The following EFCAB6 variants were observed in gnomAD, a reference collection of about 807,000 sequenced individuals.
EFCAB6 encodes the protein EF-hand calcium-binding domain-containing protein 6.
A neutral mutation model predicts 169.8 loss-of-function variants in EFCAB6; 156 were observed. The ratio of observed to expected loss-of-function variants is 0.92; its 90% confidence interval spans 0.81 to 1.05. EFCAB6 has a LOEUF of 1.05. Ranked by LOEUF, EFCAB6 falls within the 50% of genes least tolerant of loss-of-function variation. The pLI is 0.00. For synonymous variants in EFCAB6, 698 were observed against 676.4 expected, an observed-to-expected ratio of 1.03 and a Z score of -0.50; for missense variants, 1,800 against 1,829.1, an observed-to-expected ratio of 0.98 and a Z score of 0.29.
intron 26 of EFCAB6, among the ~76,000 whole-genome samples, chr22:43,570,478 C>T (rs1208499874): frequency 1.3e-5 from 2 of 152,178 alleles, no homozygotes; most frequent in Non-Finnish European, 2.9e-5. Flanking sequence ...ACACTTTGCA[C>T]ATGGCACTTT....
chr22:43,770,636 A>C (rs536441397), intron 4 of EFCAB6, among the ~76,000 whole-genome samples: 1 of 152,334 alleles, frequency 6.6e-6, no homozygotes, highest in African/African-American at 2.4e-5. Flanking sequence ...CAGCAGAATG[A>C]AGATGATAAG....
At chr22:43,593,043 G>C (rs1024210574) in intron 23 of EFCAB6, among the ~76,000 whole-genome samples, 5 of 150,880 alleles carry the variant, frequency 3.3e-5, no homozygotes, top group Non-Finnish European at 7.4e-5. Context: ...AATCTGATCA[G>C]AGTGTCAGTA....
chr22:43,670,843 C>A (rs2057457820), intron 15 of EFCAB6, among the ~76,000 whole-genome samples: 2 of 152,288 alleles, frequency 1.3e-5, no homozygotes, highest in Non-Finnish European at 2.9e-5. Flanking sequence ...GAAAGCAGGT[C>A]AACATAGCTG....
chr22:43,713,297 G>A (rs1047274218), intron 9 of EFCAB6, among the ~76,000 whole-genome samples: 5 of 152,014 alleles, frequency 3.3e-5, no homozygotes, highest in African/African-American at 9.7e-5. Context: ...GCACATTATT[G>A]GCATGCAGTC....
chr22:43,532,345 G>T (rs907815483), intron 30 of EFCAB6, among the ~76,000 whole-genome samples: 1 of 152,264 alleles, frequency 6.6e-6, no homozygotes, highest in African/African-American at 2.4e-5. Flanking sequence ...TCAGAAGGCG[G>T]CACTGGTGTG....
At chr22:43,810,157 G>A (rs2063063693) in intron 1 of EFCAB6, among the ~76,000 whole-genome samples, 1 of 152,182 alleles carries the variant, frequency 6.6e-6, no homozygotes, top group Admixed American at 6.5e-5. Context: ...AGGATTACAG[G>A]CATAAGCCAC....
intron 10 of EFCAB6, among the ~76,000 whole-genome samples, chr22:43,697,956 G>A (rs557903367): frequency 6.6e-6 from 1 of 152,310 alleles, no homozygotes; most frequent in East Asian, 1.9e-4. Context: ...ATCGGTCATA[G>A]GGACCCATGG....
At chr22:43,685,346 C>A (rs911588768) in intron 11 of EFCAB6, among the ~76,000 whole-genome samples, 1 of 151,718 alleles carries the variant, frequency 6.6e-6, no homozygotes, top group Admixed American at 6.6e-5. Context: ...AGGAAGGGTG[C>A]GGGGGGAAGA....
intron 12 of EFCAB6, 125 bp downstream of exon 12, chr22:43,683,622 G>A (rs749036631): frequency 2.8e-6 from 2 of 725,880 alleles, no homozygotes; most frequent in Non-Finnish European, 2.4e-6. Context: ...CATGTAACGG[G>A]GGCTCAAGAA....
intron 10 of EFCAB6, among the ~76,000 whole-genome samples, chr22:43,699,995 T>C (rs779275364): frequency 1.3e-5 from 2 of 152,246 alleles, no homozygotes; most frequent in Non-Finnish European, 2.9e-5. Flanking sequence ...ATTTATTTCA[T>C]CATCTCAACT....
chr22:43,670,934 G>T (rs1417446182), intron 15 of EFCAB6, among the ~76,000 whole-genome samples: 1 of 152,212 alleles, frequency 6.6e-6, no homozygotes, highest in African/African-American at 2.4e-5. Context: ...TGGCCCTGAG[G>T]TAGTAAGGCT....
At chr22:43,576,199 C>A in intron 26 of EFCAB6, 98 bp downstream of exon 26, 4 of 1,050,154 alleles carry the variant, frequency 3.8e-6, no homozygotes, top group Non-Finnish European at 5.3e-6. Context: ...GAGGTGATTG[C>A]CAATTTATCT....
chr22:43,783,435 A>G (rs2061901931), intron 2 of EFCAB6, among the ~76,000 whole-genome samples: 1 of 152,186 alleles, frequency 6.6e-6, no homozygotes, highest in African/African-American at 2.4e-5. Context: ...CTCACCTCCA[A>G]CTGACCTTCA....
intron 1 of EFCAB6, among the ~76,000 whole-genome samples, chr22:43,811,807 G>A (rs1220771689): frequency 6.6e-6 from 1 of 152,184 alleles, no homozygotes; most frequent in Non-Finnish European, 1.5e-5. Flanking sequence ...AGGGGCATGA[G>A]ACATGTTGTA....
At chr22:43,658,507 G>A (rs1285034215) in intron 17 of EFCAB6, among the ~76,000 whole-genome samples, 7 of 152,120 alleles carry the variant, frequency 4.6e-5, no homozygotes, top group Admixed American at 1.3e-4. Flanking sequence ...GACAGGAGCC[G>A]AACTCTGCAA....
chr22:43,559,389 T>C (rs775381653), intron 26 of EFCAB6, among the ~76,000 whole-genome samples: 1 of 151,926 alleles, frequency 6.6e-6, no homozygotes, highest in Non-Finnish European at 1.5e-5. Flanking sequence ...TGTGGAGAAA[T>C]AGGAATGCTT....
At chr22:43,530,527 G>A (rs2046994837) in intron 31 of EFCAB6, 1 of 985,318 alleles carries the variant, frequency 1.0e-6, no homozygotes, top group Non-Finnish European at 1.2e-6. Context: ...TGATGGCAGT[G>A]CCTTAAGGAA....
intron 27 of EFCAB6, chr22:43,540,620 A>G (rs2047659828): frequency 6.9e-6 from 9 of 1,302,534 alleles, no homozygotes; most frequent in Middle Eastern, 2.0e-4. Flanking sequence ...CTCAGTGAGC[A>G]CTTTAAGGCC....
intron 10 of EFCAB6, among the ~76,000 whole-genome samples, chr22:43,691,763 G>A (rs2058421764): frequency 6.6e-6 from 1 of 152,058 alleles, no homozygotes; most frequent in African/African-American, 2.4e-5. Context: ...TTCCAATAAT[G>A]GTAAAATAAG....
Sources: allele counts gnomAD v4.1 joint callset (sites outside exome capture counted in the v4.1 genomes callset), GRCh38; gene constraint gnomAD v4.1.1; transcripts MANE v1.5; gene names NCBI Gene and HGNC (gene_info 2026-07-23, HGNC 2026-07-21).